The following ARAP2 variants were observed in gnomAD, a reference collection of about 807,000 sequenced individuals.
ARAP2 encodes the protein ArfGAP with RhoGAP domain, ankyrin repeat and PH domain 2.
In ARAP2, 148 loss-of-function variants were observed where a neutral mutation model predicts 194.5. The ratio of observed to expected loss-of-function variants is 0.76; its 90% confidence interval spans 0.67 to 0.87. The LOEUF (loss-of-function observed/expected upper bound fraction) is 0.87, where lower values mean the gene tolerates loss of function less well. Among genes scored for constraint, ARAP2 ranks in the 40% least tolerant of loss-of-function variants. The pLI is 0.00. For synonymous variants in ARAP2, 695 were observed against 683.5 expected, an observed-to-expected ratio of 1.02 and a Z score of -0.26; for missense variants, 2,128 against 1,989.7, an observed-to-expected ratio of 1.07 and a Z score of -1.32.
chr4:36,224,167 A>AT (rs567087757), intron 2 of ARAP2, among the ~76,000 whole-genome samples: 100 of 151,954 alleles, frequency 6.6e-4, no homozygotes, highest in African/African-American at 2.2e-3. Context: ...AGGCAGCCAA[A>AT]TAAAAAAAGA....
At chr4:36,014,666 A>T (rs1715456115) in intron 8 of ARAP2, among the ~76,000 whole-genome samples, 1 of 152,224 alleles carries the variant, frequency 6.6e-6, no homozygotes, top group Non-Finnish European at 1.5e-5. Context: ...TAAAATACCT[A>T]ATTCTCTATC....
At chr4:36,233,261 C>T (rs368335240) in intron 1 of ARAP2, among the ~76,000 whole-genome samples, 9 of 152,260 alleles carry the variant, frequency 5.9e-5, no homozygotes, top group South Asian at 2.1e-4. Context: ...CTCCTTAATA[C>T]GAAATTGAAG....
chr4:36,222,361 T>C (rs955053093), intron 2 of ARAP2, among the ~76,000 whole-genome samples: 4 of 152,116 alleles, frequency 2.6e-5, no homozygotes, highest in Admixed American at 2.0e-4. Flanking sequence ...CATTTGTTTC[T>C]TAAAGTCCTC....
In ARAP2 at chr4:36,128,698, T is replaced by A; in HGVS notation, c.3475A>T (p.Ile1159Leu). The change falls in exon 21 of 33, where the codon ATA (isoleucine) becomes TTA (leucine). Residue 1159 changes from isoleucine to leucine, a missense_variant. By Grantham distance (5) the Ile-to-Leu change is conservative. Transcript: ENST00000303965. ...TTGAAACTCTCCAGGAGTTCACTTA[T>A]ATGCAAAGGATCACCATTCTTTTGA... ...IYQKNGDPLHISELLESFKKD... is the reference protein window; with the variant it reads ...IYQKNGDPLHLSELLESFKKD... The A allele has an allele frequency of 1.2e-6, 2 of 1,612,682 alleles. No individual in the cohort carries two copies. Among genetic ancestry groups the A allele is most frequent in the Non-Finnish European group, 1.7e-6 (2 of 1,179,288 alleles).
At chr4:36,062,026 G>C (rs1253574179), downstream of ARAP2, among the ~76,000 whole-genome samples, 3 of 152,078 alleles carry the variant, frequency 2.0e-5, no homozygotes, top group Admixed American at 2.0e-4. Flanking sequence ...TGTTGAGCTT[G>C]TTATTTATTC....
At chr4:36,208,203 A>G (rs764426110) in intron 6 of ARAP2, among the ~76,000 whole-genome samples, 1 of 152,346 alleles carries the variant, frequency 6.6e-6, no homozygotes, top group Admixed American at 6.5e-5. Context: ...GAGACATTTT[A>G]GCATGAATTT....
intron 2 of ARAP2, chr4:36,052,125 A>T (rs1375182460): frequency 3.9e-5 from 6 of 152,242 alleles, no homozygotes; most frequent in Non-Finnish European, 8.8e-5. Flanking sequence ...ACATCCAAGT[A>T]GAGTCATTAA....
intron 9 of ARAP2, among the ~76,000 whole-genome samples, chr4:36,170,685 C>T (rs1021521749): frequency 2.0e-5 from 3 of 152,118 alleles, no homozygotes; most frequent in Non-Finnish European, 4.4e-5. Flanking sequence ...TCTATCTGTG[C>T]ATGCTATGAA....
chr4:36,128,708 A>T lies in ARAP2; in HGVS notation c.3465T>A (p.Asp1155Glu), dbSNP rs150357024. ...GCKYIYQKNG[D>E]PLHISELLES... ...CCAGGAGTTCACTTATATGCAAAGGATCACCATTCTTTTGATAGATATATT... is the reference window on the plus strand; with the variant it reads ...CCAGGAGTTCACTTATATGCAAAGGTTCACCATTCTTTTGATAGATATATT... The change falls in exon 21 of 33, where the codon GAT becomes GAA. Residue 1155 changes from aspartate (D) to glutamate (E), a missense_variant. Transcript: ENST00000303965. The T allele has an allele frequency of 1.7e-5, 28 of 1,612,386 alleles. No individual in the cohort carries two copies. The African/African-American group carries it at 2.9e-4, about 17-fold the overall frequency.
In ARAP2 at chr4:36,229,503, C is replaced by T. The variant is rs1426197532; in HGVS notation, c.-17G>A. 1 of 1,573,188 alleles carries T rather than the reference C, an allele frequency of 6.4e-7. No homozygotes were observed. Among genetic ancestry groups the T allele is most frequent in the Non-Finnish European group, 8.6e-7 (1 of 1,157,156 alleles). ...TGAGGACATAATGGTGGCTTCATTA[C>T]TAAGCTGAGTTACAAAAAGTGGCAC... is the stretch of plus-strand genomic sequence containing the variant. On this transcript the variant is annotated 5_prime_UTR_variant, in exon 2 of 33. Transcript: ENST00000303965.
chr4:36,138,557 G>A (rs1414624489), intron 19 of ARAP2, among the ~76,000 whole-genome samples: 2 of 151,568 alleles, frequency 1.3e-5, no homozygotes, highest in Non-Finnish European at 3.0e-5. Context: ...CCTTTATAAT[G>A]ATAATCAGTA....
At chr4:36,128,795 C>A in intron 20 of ARAP2, 50 bp from the exon 21 acceptor site, 1 of 1,405,240 alleles carries the variant, frequency 7.1e-7, no homozygotes, top group Non-Finnish European at 9.8e-7. Context: ...ATTCAAAAGC[C>A]AGTTTGATAT....
At chr4:36,146,750 T>C (rs1186987970) in intron 19 of ARAP2, among the ~76,000 whole-genome samples, 3 of 152,100 alleles carry the variant, frequency 2.0e-5, no homozygotes, top group Non-Finnish European at 2.9e-5. Flanking sequence ...CATATAATTA[T>C]TTTTGTCTGC....
chr4:36,154,002 C>G (rs1331599794), intron 15 of ARAP2, among the ~76,000 whole-genome samples: 1 of 152,124 alleles, frequency 6.6e-6, no homozygotes, highest in South Asian at 2.1e-4. Context: ...GGAAGGAACT[C>G]CATGCAATTG....
At chr4:36,125,491 G>C (rs761271882) in intron 21 of ARAP2, among the ~76,000 whole-genome samples, 2 of 151,946 alleles carry the variant, frequency 1.3e-5, no homozygotes, top group Non-Finnish European at 2.9e-5. Flanking sequence ...CTTCGATCCA[G>C]GTAAAGGGTA....
intron 2 of ARAP2, among the ~76,000 whole-genome samples, chr4:36,054,902 T>C (rs183114872): frequency 6.6e-6 from 1 of 152,346 alleles, no homozygotes; most frequent in African/African-American, 2.4e-5. Flanking sequence ...AAGGACATTT[T>C]ATAATGATTG....
chr4:36,140,175 CAT>C (rs1727960012), intron 19 of ARAP2, among the ~76,000 whole-genome samples: 1 of 150,190 alleles, frequency 6.7e-6, no homozygotes, highest in Non-Finnish European at 1.5e-5. Context: ...CACACACACA[CAT>C]CTTAGAGGGA....
Position 36,162,967 on chromosome 4 carries a change from T to C in ARAP2, c.2174-1417A>G, listed in dbSNP as rs150826225. On this transcript the variant is annotated intron_variant, in intron 11 of 32. Transcript: ENST00000303965. ...TTGCTTTTGACCAAGATTGAGAATA[T>C]ATGAAAATGTGCAGTTTTATGAAAT... Among the ~76,000 whole-genome samples the C allele has an allele frequency of 3.5e-4, 53 of 152,276 alleles. No homozygotes were observed. In the East Asian group the frequency reaches 9.6e-3, roughly 28 times the overall value.
intron 6 of ARAP2, among the ~76,000 whole-genome samples, chr4:36,017,534 C>A (rs1163012516): frequency 1.6e-5 from 1 of 62,444 alleles, no homozygotes; most frequent in East Asian, 4.8e-4. Flanking sequence ...CTTTATGCAC[C>A]AACATTTAAG....
Sources: gnomAD v4.1 joint callset for allele counts (sites outside exome capture counted in the v4.1 genomes callset) on GRCh38, gnomAD v4.1.1 for gene constraint, MANE v1.5 for transcripts, NCBI Gene and HGNC (gene_info 2026-07-23, HGNC 2026-07-21) for gene names.